CCSER1: variants seen among roughly 807,000 people sequenced by gnomAD.
The protein encoded by CCSER1 is serine-rich coiled-coil domain-containing protein 1.
CCSER1 carries 41 observed loss-of-function variants against 82.0 expected under a neutral mutation model. The observed-to-expected ratio is 0.50, with a 90% confidence interval of 0.39 to 0.65. The LOEUF is 0.65. CCSER1 is among the 30% of genes least tolerant of loss of function. The pLI is 0.00. For synonymous variants in CCSER1, 414 were observed against 383.9 expected (o/e 1.08, Z -0.92); for missense variants, 1,119 against 1,064.2 (o/e 1.05, Z -0.72).
intron 9 of CCSER1, among the ~76,000 whole-genome samples, chr4:91,018,877 CT>C (rs1739674575): frequency 6.6e-6 from 1 of 152,088 alleles, no homozygotes; most frequent in Non-Finnish European, 1.5e-5. Context: ...GGATGTCCCA[CT>C]TTGCATTCTT....
At chr4:90,898,204 T>A (rs568315150) in intron 8 of CCSER1, among the ~76,000 whole-genome samples, 11 of 151,160 alleles carry the variant, frequency 7.3e-5, no homozygotes, top group Non-Finnish European at 1.5e-4. Context: ...CACAGAAGAG[T>A]TTTTCCTAGA....
At chr4:91,175,676 T>G (rs1683896383) in intron 10 of CCSER1, among the ~76,000 whole-genome samples, 1 of 152,194 alleles carries the variant, frequency 6.6e-6, no homozygotes, top group African/African-American at 2.4e-5. Context: ...CGTTGTTTCA[T>G]TTTTTTCTTG....
chr4:90,168,692 A>G (rs376242508), intron 1 of CCSER1, among the ~76,000 whole-genome samples: 1 of 151,926 alleles, frequency 6.6e-6, no homozygotes, highest in Non-Finnish European at 1.5e-5. Context: ...CTTTCTACAT[A>G]TGGCTAGCCA....
In CCSER1 at chr4:90,834,106, T is replaced by G. The variant is rs76355745; in HGVS notation, c.2094+18261T>G. ...CAACAGAAAATGGACTAAGAGAAGT[T>G]TGATGTGTGCAACTTTAAATGAATT... On this transcript the variant is annotated intron_variant, in intron 8 of 10. Coordinates refer to ENST00000509176, the MANE Select transcript of CCSER1 (RefSeq NM_001145065.2). Among the ~76,000 whole-genome samples, 362 of 152,308 alleles carry G rather than the reference T, an allele frequency of 2.4e-3. 2 individuals carry two copies. Among genetic ancestry groups the G allele is most frequent in the African/African-American group, 8.4e-3 (351 of 41,572 alleles).
intron 10 of CCSER1, among the ~76,000 whole-genome samples, chr4:91,466,103 A>G (rs552492144): frequency 6.6e-6 from 1 of 152,342 alleles, no homozygotes; most frequent in African/African-American, 2.4e-5. Context: ...AAAAATCCTC[A>G]ATAAAATACT....
chr4:91,115,764 CAG>C lies in CCSER1; in HGVS notation c.2217+29771_2217+29772del, dbSNP rs200221414. ...GTTGGAGAAAGATTTGGTAATCACTCAGTGGCTTCCTCCTCTTGCTCCCTGCC... is the reference window on the plus strand; with the variant it reads ...GTTGGAGAAAGATTTGGTAATCACTCTGGCTTCCTCCTCTTGCTCCCTGCC... On this transcript the variant is annotated intron_variant, in intron 10 of 10. Transcript: ENST00000509176. 6.8e-3 allele frequency among the ~76,000 whole-genome samples: 1,007 copies of C among 147,990 alleles called. 8 individuals carry two copies. Among genetic ancestry groups the C allele is most frequent in the African/African-American group, 0.023 (922 of 40,306 alleles).
intron 9 of CCSER1, among the ~76,000 whole-genome samples, chr4:90,942,456 A>T (rs189511530): frequency 6.6e-6 from 1 of 151,858 alleles, no homozygotes; most frequent in Admixed American, 6.6e-5. Flanking sequence ...TTATTTTTCT[A>T]TTTTCCTCTT....
At chr4:91,017,371 T>C (rs1329877285) in intron 9 of CCSER1, 1 of 152,200 alleles carries the variant, frequency 6.6e-6, no homozygotes, top group Non-Finnish European at 1.5e-5. Context: ...TGTATCCCTG[T>C]TAATTGAAAA....
chr4:90,140,541 C>CT (rs1250895148), intron 1 of CCSER1, among the ~76,000 whole-genome samples: 2 of 151,444 alleles, frequency 1.3e-5, no homozygotes, highest in Non-Finnish European at 2.9e-5. Context: ...TGAAGACAAA[C>CT]TTGTATCAAT....
At chr4:90,736,785 A>G (rs1745724235) in intron 7 of CCSER1, among the ~76,000 whole-genome samples, 2 of 148,580 alleles carry the variant, frequency 1.3e-5, no homozygotes, top group Non-Finnish European at 3.0e-5. Flanking sequence ...CTCCCTTGCT[A>G]TTTTCTTTTG....
At chr4:91,314,343 T>C (rs1745687725) in intron 10 of CCSER1, among the ~76,000 whole-genome samples, 1 of 152,042 alleles carries the variant, frequency 6.6e-6, no homozygotes, top group Non-Finnish European at 1.5e-5. Flanking sequence ...CTTTGCACTG[T>C]TCTTCTGATG....
At chr4:90,842,991 G>A (rs1487823039) in intron 8 of CCSER1, among the ~76,000 whole-genome samples, 1 of 152,136 alleles carries the variant, frequency 6.6e-6, no homozygotes, top group Non-Finnish European at 1.5e-5. Context: ...GCACATGAAA[G>A]CCATTTCTAG....
At chr4:91,415,266 G>A (rs1306297279) in intron 10 of CCSER1, among the ~76,000 whole-genome samples, 1 of 152,134 alleles carries the variant, frequency 6.6e-6, no homozygotes, top group East Asian at 1.9e-4. Flanking sequence ...TTTTGTATCT[G>A]AGGCTTTGCT....
At chr4:90,271,853 TATATATA>T (rs1427589266) in intron 1 of CCSER1, among the ~76,000 whole-genome samples, 7 of 29,694 alleles carry the variant, frequency 2.4e-4, no homozygotes, top group Admixed American at 3.3e-4. Context: ...TATATATATA[TATATATA>T]TATTTTTTTT....
At chr4:90,190,717 C>T (rs917562369) in intron 1 of CCSER1, among the ~76,000 whole-genome samples, 14 of 152,054 alleles carry the variant, frequency 9.2e-5, no homozygotes, top group African/African-American at 3.1e-4. Context: ...TGCCAAATTG[C>T]CATCTGGTTA....
At chr4:91,485,059 T>C (rs1201733085) in intron 10 of CCSER1, among the ~76,000 whole-genome samples, 1 of 152,154 alleles carries the variant, frequency 6.6e-6, no homozygotes, top group Non-Finnish European at 1.5e-5. Flanking sequence ...AAGAGCCCTA[T>C]ACCTAATTTC....
intron 10 of CCSER1, among the ~76,000 whole-genome samples, chr4:91,149,201 A>G (rs576559680): frequency 4.0e-5 from 6 of 151,770 alleles, no homozygotes; most frequent in East Asian, 1.9e-4. Context: ...GTGTCTCATT[A>G]TGGTTTTGAT....
intron 5 of CCSER1, among the ~76,000 whole-genome samples, chr4:90,481,075 C>T (rs865960935): frequency 2.0e-4 from 30 of 152,094 alleles, no homozygotes; most frequent in Non-Finnish European, 1.2e-4. Flanking sequence ...TTGAAGTTCT[C>T]GTTGAAGAGG....
intron 10 of CCSER1, among the ~76,000 whole-genome samples, chr4:91,092,619 TGGCC>T (rs958052869): frequency 1.3e-5 from 2 of 152,238 alleles, no homozygotes; most frequent in African/African-American, 4.8e-5. Context: ...AAGTGACTCC[TGGCC>T]TAAATGGGTA....
Sources: gnomAD v4.1 joint callset for allele counts (sites outside exome capture counted in the v4.1 genomes callset) on GRCh38, gnomAD v4.1.1 for gene constraint, MANE v1.5 for transcripts, NCBI Gene and HGNC (gene_info 2026-07-23, HGNC 2026-07-21) for gene names.